Variants in PRKAA2 observed in about 807,000 individuals in gnomAD.
PRKAA2 encodes protein kinase AMP-activated catalytic subunit alpha 2.
PRKAA2 carries 40 observed loss-of-function variants against 56.3 expected under a neutral mutation model. That is an observed-to-expected ratio of 0.71 (90% CI 0.55 to 0.92). The LOEUF (loss-of-function observed/expected upper bound fraction) is 0.92, where lower values mean the gene tolerates loss of function less well. PRKAA2 is among the 40% of genes least tolerant of loss of function. The pLI is 0.00. For missense variants in PRKAA2, 542 were observed against 686.9 expected (o/e 0.79, Z 2.36); for synonymous variants, 214 against 234.2 (o/e 0.91, Z 0.79).
At chr1:56,703,881 T>A in intron 6 of PRKAA2, 90 bp from the exon 7 acceptor site, 1 of 1,398,544 alleles carries the variant, frequency 7.2e-7, no homozygotes, top group Non-Finnish European at 9.7e-7. Context: ...CCAGATCTTT[T>A]GATTATATTC....
chr1:56,657,615 G>A (rs1295154322), intron 1 of PRKAA2, among the ~76,000 whole-genome samples: 1 of 152,184 alleles, frequency 6.6e-6, no homozygotes, highest in Non-Finnish European at 1.5e-5. Context: ...GGCAGAGGTT[G>A]CAGTGAGCCG....
At chr1:56,654,281 C>A (rs937801405) in intron 1 of PRKAA2, among the ~76,000 whole-genome samples, 2 of 152,098 alleles carry the variant, frequency 1.3e-5, no homozygotes, top group Admixed American at 6.5e-5. Context: ...TGTCCACTTA[C>A]CTTGTGGTCC....
chr1:56,703,823 C>A, intron 6 of PRKAA2, 148 bp from the exon 7 acceptor site: 1 of 821,086 alleles, frequency 1.2e-6, no homozygotes, highest in Non-Finnish European at 1.8e-6. Flanking sequence ...GGGTAATTAA[C>A]TTGCTCAGGA....
intron 6 of PRKAA2, among the ~76,000 whole-genome samples, chr1:56,699,958 G>T (rs1463526166): frequency 6.6e-6 from 1 of 152,108 alleles, no homozygotes; most frequent in Non-Finnish European, 1.5e-5. Flanking sequence ...AAATATTCCA[G>T]TGTATGAATA....
At chr1:56,658,162 G>GA (rs951780417) in intron 1 of PRKAA2, among the ~76,000 whole-genome samples, 3 of 151,952 alleles carry the variant, frequency 2.0e-5, no homozygotes, top group African/African-American at 7.3e-5. Context: ...GGACTCTAGA[G>GA]AAAAAAACAC....
chr1:56,672,106 G>T (rs948703989), intron 1 of PRKAA2, among the ~76,000 whole-genome samples: 2 of 151,652 alleles, frequency 1.3e-5, no homozygotes, highest in Non-Finnish European at 2.9e-5. Context: ...GCTGAATGTG[G>T]TTTTTTTGTT....
chr1:56,692,028 AT>A (rs397863487), intron 3 of PRKAA2, among the ~76,000 whole-genome samples: 2,986 of 112,718 alleles, frequency 0.026, 17 homozygotes, highest in African/African-American at 0.064. Context: ...GATGTCTCAG[AT>A]TTTTTTTTTT....
At chr1:56,652,291 G>A (rs574467163) in intron 1 of PRKAA2, among the ~76,000 whole-genome samples, 2 of 151,994 alleles carry the variant, frequency 1.3e-5, no homozygotes, top group African/African-American at 2.4e-5. Context: ...GAGTAAAGGC[G>A]TGAGCTATTG....
intron 2 of PRKAA2, among the ~76,000 whole-genome samples, chr1:56,677,586 A>T (rs890149351): frequency 6.6e-5 from 10 of 152,234 alleles, no homozygotes; most frequent in African/African-American, 2.4e-4. Context: ...GTTCCTAAAA[A>T]CACAAATCAG....
At position 56,709,312 on chromosome 1, in the gene PRKAA2, G is replaced by T. The variant is rs543034724; in HGVS notation, c.*1599G>T. ...AATATTCTTTGAATCAGGAGTTTGCGTTGTGTCACATCATATGGCTTTGCA... is the reference window on the plus strand; with the variant it reads ...AATATTCTTTGAATCAGGAGTTTGCTTTGTGTCACATCATATGGCTTTGCA... On this transcript the variant is annotated 3_prime_UTR_variant, in exon 9 of 9. Coordinates refer to ENST00000371244, the MANE Select transcript of PRKAA2 (RefSeq NM_006252.4). The T allele has an allele frequency of 6.6e-6, 1 of 152,168 alleles. No individual in the cohort carries two copies. The allele number at this position is 152,168 out of a possible 1,614,324, so 9.4% of individuals were successfully genotyped here. A position where few individuals can be genotyped will look rare whatever the true frequency, so the allele number is the denominator to read the frequency against.
chr1:56,697,391 T>C (rs1170573058), intron 6 of PRKAA2, among the ~76,000 whole-genome samples: 1 of 152,152 alleles, frequency 6.6e-6, no homozygotes. Context: ...TAGCTGTTTA[T>C]GTGACTGCTG....
At chr1:56,660,518 G>T (rs1012362940) in intron 1 of PRKAA2, among the ~76,000 whole-genome samples, 2 of 151,952 alleles carry the variant, frequency 1.3e-5, no homozygotes, top group Non-Finnish European at 2.9e-5. Flanking sequence ...TTCATGCATT[G>T]TCCCTCCCTC....
intron 2 of PRKAA2, among the ~76,000 whole-genome samples, chr1:56,677,747 C>A (rs1644123804): frequency 6.6e-6 from 1 of 151,698 alleles, no homozygotes; most frequent in Admixed American, 6.6e-5. Flanking sequence ...ACCTTCGCTT[C>A]CCAGATTCAA....
At chr1:56,677,081 C>T (rs190511920) in intron 2 of PRKAA2, among the ~76,000 whole-genome samples, 2 of 152,242 alleles carry the variant, frequency 1.3e-5, no homozygotes, top group East Asian at 3.9e-4. Context: ...AATTAAAATT[C>T]CACCCATGAG....
At chr1:56,690,503 T>A (rs1316947204) in intron 2 of PRKAA2, among the ~76,000 whole-genome samples, 11 of 152,196 alleles carry the variant, frequency 7.2e-5, no homozygotes, top group African/African-American at 2.4e-4. Context: ...AACAACATTA[T>A]CCACCACTAA....
At chr1:56,661,548 A>G (rs1005101679) in intron 1 of PRKAA2, among the ~76,000 whole-genome samples, 7 of 152,164 alleles carry the variant, frequency 4.6e-5, no homozygotes, top group Admixed American at 6.6e-5. Flanking sequence ...CATTAAGACT[A>G]TACTATTATT....
intron 1 of PRKAA2, among the ~76,000 whole-genome samples, chr1:56,655,280 A>ATTTTTTTT (rs1207874046): frequency 5.3e-5 from 5 of 93,680 alleles, no homozygotes; most frequent in African/African-American, 1.8e-4. Context: ...ATATATATAT[A>ATTTTTTTT]TTTTTTTTTT....
rs557545381 is a variant in PRKAA2 at position 56,696,130 on chromosome 1, A to G, written c.759A>G (p.Pro253=). ...TLLMHMLQVD[P]LKRATIKDIR... ...TGATGCATATGCTGCAGGTTGACCCACTGAAACGAGCAACTATCAAAGACA... is the reference window on the plus strand; with the variant it reads ...TGATGCATATGCTGCAGGTTGACCCGCTGAAACGAGCAACTATCAAAGACA... The change falls in exon 6 of 9, where the codon CCA becomes CCG. Residue 253 remains proline, a synonymous_variant. Coordinates refer to ENST00000371244, the MANE Select transcript of PRKAA2 (RefSeq NM_006252.4). 5.0e-6 allele frequency: 8 copies of G among 1,612,972 alleles called. No individual in the cohort carries two copies. The African/African-American group carries it at 5.4e-5, about 11-fold the overall frequency.
At chr1:56,692,583 T>C (rs1215355099) in intron 4 of PRKAA2, 81 bp downstream of exon 4, 1 of 1,427,784 alleles carries the variant, frequency 7.0e-7, no homozygotes, top group African/African-American at 1.4e-5. Context: ...AACTTTACTT[T>C]TCAACCTTGT....
Sources: gnomAD v4.1 joint callset for allele counts (sites outside exome capture counted in the v4.1 genomes callset) on GRCh38, gnomAD v4.1.1 for gene constraint, MANE v1.5 for transcripts, NCBI Gene and HGNC (gene_info 2026-07-23, HGNC 2026-07-21) for gene names.